The following NGEF variants were observed in gnomAD, a reference collection of about 807,000 sequenced individuals.
NGEF encodes the protein neuronal guanine nucleotide exchange factor.
NGEF carries 31 observed loss-of-function variants against 80.9 expected under a neutral mutation model. The observed-to-expected ratio is 0.38, with a 90% CI of 0.29 to 0.52. NGEF has a LOEUF of 0.52. Among genes scored for constraint, NGEF ranks in the 20% least tolerant of loss-of-function variants. The probability of loss-of-function intolerance (pLI) is 0.84; values close to 1 mark genes in which losing one functional copy is unlikely to be tolerated. For synonymous variants in NGEF, 371 were observed against 370.2 expected (o/e 1.00, Z -0.03); for missense variants, 709 against 926.2 (o/e 0.77, Z 3.04).
At chr2:232,885,793 G>T (rs1394120024) in intron 9 of NGEF, among the ~76,000 whole-genome samples, 1 of 152,184 alleles carries the variant, frequency 6.6e-6, no homozygotes, top group Non-Finnish European at 1.5e-5. Flanking sequence ...AGACAATTCT[G>T]CAGTGACACA....
intron 5 of NGEF, among the ~76,000 whole-genome samples, chr2:232,897,740 G>C (rs1055445613): frequency 6.6e-6 from 1 of 152,240 alleles, no homozygotes; most frequent in African/African-American, 2.4e-5. Flanking sequence ...GTGACAGTCA[G>C]AGATGAGACG....
chr2:232,991,141 G>T (rs1342992513), intron 1 of NGEF, among the ~76,000 whole-genome samples: 1 of 152,016 alleles, frequency 6.6e-6, no homozygotes, highest in Non-Finnish European at 1.5e-5. Context: ...ATTTAATTGT[G>T]AAAGACTGCA....
intron 13 of NGEF, 142 bp downstream of exon 13, chr2:232,882,044 C>A: frequency 1.5e-6 from 1 of 683,832 alleles, no homozygotes; most frequent in Non-Finnish European, 2.5e-6. Flanking sequence ...CAGTAGGAAG[C>A]AGCCCCTGGA....
chr2:232,958,765 A>G (rs1311068360), intron 3 of NGEF, among the ~76,000 whole-genome samples: 2 of 152,214 alleles, frequency 1.3e-5, no homozygotes, highest in African/African-American at 4.8e-5. Context: ...TTCATTATGG[A>G]AAATTTCAAA....
At chr2:232,916,908 C>T (rs115318658) in intron 5 of NGEF, among the ~76,000 whole-genome samples, 84 of 152,364 alleles carry the variant, frequency 5.5e-4, no homozygotes, top group African/African-American at 1.9e-3. Flanking sequence ...CTCCACTCAA[C>T]CCACTGGCTG....
At chr2:232,887,110 C>T (rs1198572606) in intron 9 of NGEF, among the ~76,000 whole-genome samples, 3 of 152,188 alleles carry the variant, frequency 2.0e-5, no homozygotes, top group Non-Finnish European at 2.9e-5. Flanking sequence ...GAGTGATATT[C>T]TTTTTACTAA....
rs1693721779 is a variant in NGEF, at chr2:232,953,343, AAGAG to A, written c.383+16867_383+16870del. 2.1e-5 allele frequency among the ~76,000 whole-genome samples: 3 copies of A among 144,406 alleles called. No individual in the cohort carries two copies. The Admixed American group carries it at 2.2e-4, about 10-fold the overall frequency. 94.7% of individuals were successfully genotyped at this position (144,406 alleles called of 152,430 possible). On this transcript the variant is annotated intron_variant, in intron 3 of 14. Coordinates refer to ENST00000264051, the MANE Select transcript of NGEF (RefSeq NM_019850.3). The stretch of plus-strand genomic sequence containing the variant: ...AAAGAAAAAGAAAGAAAAAAAGGGA[AAGAG>A]AGAAAGAAAGAAAGAAAGAGAGAGA...
chr2:232,929,111 C>T (rs943453008), intron 3 of NGEF, among the ~76,000 whole-genome samples: 2 of 152,262 alleles, frequency 1.3e-5, no homozygotes, highest in East Asian at 3.9e-4. Flanking sequence ...GTGACCGCGG[C>T]CTGCGCCTGC....
At chr2:232,894,698 A>T (rs780639376) in intron 6 of NGEF, 58 bp downstream of exon 6, 565 of 1,455,126 alleles carry the variant, frequency 3.9e-4, no homozygotes, top group Non-Finnish European at 5.0e-4. Context: ...TGTCTCAAGC[A>T]TGTGCCCTGG....
At chr2:232,913,646 C>T (rs77394825) in intron 5 of NGEF, among the ~76,000 whole-genome samples, 12,720 of 152,078 alleles carry the variant, frequency 0.084, 671 homozygotes, top group East Asian at 0.17. Context: ...TGTAGCCGGG[C>T]GCGGTGACTC....
At position 232,892,090 on chromosome 2, in the gene NGEF, G is replaced by A. The variant is rs560350234; in HGVS notation, c.1143-603C>T. Among the ~76,000 whole-genome samples, 1 of 152,192 alleles carries A rather than the reference G, an allele frequency of 6.6e-6. No homozygotes were observed. The highest frequency in any genetic ancestry group is 1.9e-4 in the East Asian group (1 of 5,192). ...CCACAGCGGCAGGCTCTTGGGTGCT[G>A]TGAATGATTCCTAATCTGCCACATG... On this transcript the variant is annotated intron_variant, in intron 7 of 14. Coordinates refer to ENST00000264051, the MANE Select transcript of NGEF (RefSeq NM_019850.3). The surrounding 1 kb of genome is among the most constrained non-coding windows in gnomAD (Gnocchi z 4.0).
intron 1 of NGEF, among the ~76,000 whole-genome samples, chr2:233,001,165 CA>C (rs1694969696): frequency 6.6e-6 from 1 of 152,198 alleles, no homozygotes; most frequent in South Asian, 2.1e-4. Flanking sequence ...TGGGCTGAAC[CA>C]ACCAGATTCC....
At chr2:232,958,572 G>A (rs1287757525) in intron 3 of NGEF, among the ~76,000 whole-genome samples, 1 of 152,152 alleles carries the variant, frequency 6.6e-6, no homozygotes, top group African/African-American at 2.4e-5. Flanking sequence ...TCCTATGTTT[G>A]AGGAGCTTAA....
chr2:232,927,782 G>T, intron 3 of NGEF: 1 of 588,216 alleles, frequency 1.7e-6, no homozygotes, highest in Non-Finnish European at 2.4e-6. Flanking sequence ...GGGGCCCGCG[G>T]AGGAGGAGTG....
intron 3 of NGEF, among the ~76,000 whole-genome samples, chr2:232,942,994 C>A (rs1444701912): frequency 2.0e-5 from 3 of 146,366 alleles, no homozygotes; most frequent in African/African-American, 7.5e-5. Context: ...AGCCATGTCT[C>A]ATTTTTTCCA....
chr2:233,006,095 C>A (rs577435186), intron 1 of NGEF, among the ~76,000 whole-genome samples: 1 of 152,304 alleles, frequency 6.6e-6, no homozygotes, highest in South Asian at 2.1e-4. Context: ...GGATTACAGG[C>A]GTGAGCCACT....
At chr2:232,903,578 C>T (rs150501767) in intron 5 of NGEF, among the ~76,000 whole-genome samples, 6 of 152,118 alleles carry the variant, frequency 3.9e-5, no homozygotes, top group East Asian at 1.9e-4. Flanking sequence ...CATTTTTTAA[C>T]CAAAAGATAA....
intron 1 of NGEF, among the ~76,000 whole-genome samples, chr2:232,989,887 C>A (rs1355303834): frequency 6.6e-6 from 1 of 152,018 alleles, no homozygotes; most frequent in Non-Finnish European, 1.5e-5. Context: ...GGTCAGTTGA[C>A]AAAGTTAAAT....
chr2:232,893,007 T>A lies in NGEF; in HGVS notation c.1033A>T (p.Ile345Phe). 6.2e-7 allele frequency: 1 copy of A among 1,613,204 alleles called. No individual in the cohort carries two copies. Among genetic ancestry groups the A allele is most frequent in the Non-Finnish European group, 8.5e-7 (1 of 1,179,768 alleles). ...LEHRMEENIV[I>F]SDVCDIVYRY... ...TACACAATGTCACACACGTCAGAGA[T>A]GACGATGTTCTCCTCCATCCGGTGC... is the stretch of plus-strand genomic sequence containing the variant. Residue 345 changes from isoleucine (I) to phenylalanine (F), a missense_variant, in exon 7 of 15, where the codon ATC (isoleucine) becomes TTC (phenylalanine). Ile to Phe is a conservative substitution (Grantham distance 21). Coordinates refer to ENST00000264051, the MANE Select transcript of NGEF (RefSeq NM_019850.3).
Sources: gnomAD v4.1 joint callset for allele counts (sites outside exome capture counted in the v4.1 genomes callset) on GRCh38, gnomAD v4.1.1 for gene constraint, Gnocchi (gnomAD v3.1) non-coding constraint, MANE v1.5 for transcripts, NCBI Gene and HGNC (gene_info 2026-07-23, HGNC 2026-07-21) for gene names.